Variants in ADAM22 observed in about 807,000 individuals in gnomAD.
The protein encoded by ADAM22 is disintegrin and metalloproteinase domain-containing protein 22.
In ADAM22, 65 loss-of-function variants were observed where a neutral mutation model predicts 144.6. The ratio of observed to expected loss-of-function variants is 0.45; its 90% confidence interval spans 0.37 to 0.55. The LOEUF is 0.55. Among genes scored for constraint, ADAM22 ranks in the 20% least tolerant of loss-of-function variants. The pLI is 0.00. For missense variants in ADAM22, 974 were observed against 1,184.9 expected (o/e 0.82, Z 2.61); for synonymous variants, 391 against 412.6 (o/e 0.95, Z 0.63).
chr7:88,148,765 A>T (rs1837360566), intron 17 of ADAM22, among the ~76,000 whole-genome samples: 1 of 152,222 alleles, frequency 6.6e-6, no homozygotes, highest in South Asian at 2.1e-4. Context: ...CTTATGTGTA[A>T]TGACTATGGA....
chr7:88,131,610 T>A (rs1831795411), intron 11 of ADAM22, 175 bp downstream of exon 11: 3 of 580,446 alleles, frequency 5.2e-6, no homozygotes, highest in Admixed American at 3.1e-5. Context: ...CATGAAAATG[T>A]AAAAGTTTTA....
chr7:87,973,323 A>G (rs1177909347), intron 2 of ADAM22, among the ~76,000 whole-genome samples: 1 of 152,258 alleles, frequency 6.6e-6, no homozygotes. Flanking sequence ...TGCAGCCAAA[A>G]AACACATGGA....
At chr7:88,088,905 G>A (rs1382957293) in intron 4 of ADAM22, among the ~76,000 whole-genome samples, 3 of 151,088 alleles carry the variant, frequency 2.0e-5, no homozygotes, top group Admixed American at 1.3e-4. Context: ...ACAGAGTTCA[G>A]TTTATATACG....
In ADAM22 at chr7:88,108,199, G is replaced by A. The variant is rs1824958280; in HGVS notation, c.414G>A (p.Gln138=). Residue 138 remains glutamine, a synonymous_variant, in exon 5 of 32, where the codon CAG becomes CAA. Coordinates refer to ENST00000413139, the MANE Select transcript of ADAM22 (RefSeq NM_001324418.2). Reference sequence around the variant, plus strand: ...AGGGAGGAGAGCACTGTTACTACCAGGGCCATATCCGAGGAAACCCTGACT... The same window carrying A: ...AGGGAGGAGAGCACTGTTACTACCAAGGCCATATCCGAGGAAACCCTGACT... ...EVKGGEHCYY[Q]GHIRGNPDSF... The A allele has an allele frequency of 6.2e-7, 1 of 1,613,610 alleles. No homozygotes were observed. Among genetic ancestry groups the A allele is most frequent in the African/African-American group, 1.3e-5 (1 of 74,876 alleles).
At chr7:87,961,813 G>A (rs902320838) in intron 2 of ADAM22, among the ~76,000 whole-genome samples, 1 of 152,294 alleles carries the variant, frequency 6.6e-6, no homozygotes, top group African/African-American at 2.4e-5. Context: ...AAAAGGAAAA[G>A]TAAGATGATT....
At chr7:87,961,128 G>A (rs1847917693) in intron 2 of ADAM22, among the ~76,000 whole-genome samples, 1 of 152,018 alleles carries the variant, frequency 6.6e-6, no homozygotes, top group African/African-American at 2.4e-5. Context: ...ATTTCTAGTA[G>A]GGTAGTCCGT....
chr7:87,938,486 T>C (rs532642417), intron 2 of ADAM22, among the ~76,000 whole-genome samples: 4 of 152,122 alleles, frequency 2.6e-5, no homozygotes, highest in African/African-American at 9.6e-5. Context: ...CCCAAAGTGC[T>C]GGGATTACAA....
Position 87,934,364 on chromosome 7 carries a change from G to C in ADAM22, c.-102G>C. The C allele has an allele frequency of 6.9e-6, 8 of 1,157,418 alleles. No individual in the cohort carries two copies. Among genetic ancestry groups the C allele is most frequent in the Non-Finnish European group, 9.7e-6 (8 of 827,820 alleles). 71.7% of individuals were successfully genotyped at this position (1,157,418 alleles called of 1,614,324 possible). ...CAGCACCGGCCGGGGCTGGGTGGAG[G>C]TGGCCGCGGGGACCCCGGGGGCGCG... On this transcript the variant is annotated 5_prime_UTR_variant, in exon 1 of 32. Coordinates refer to ENST00000413139, the MANE Select transcript of ADAM22 (RefSeq NM_001324418.2).
In ADAM22 at chr7:88,153,687, G is replaced by A. The variant is rs117109936; in HGVS notation, c.1787+361G>A. On this transcript the variant is annotated intron_variant, in intron 21 of 31. Transcript: ENST00000413139. ...CCCAAACCACCCCCTTTTTGCCAAA[G>A]GTCTCAATATTTCACTGTCCTTCTG... Among the ~76,000 whole-genome samples, 139 of 152,144 alleles carry A rather than the reference G, an allele frequency of 9.1e-4. No homozygotes were observed. The Middle Eastern group carries it at 0.01, about 11-fold the overall frequency.
chr7:88,151,088 T>C, intron 19 of ADAM22, 57 bp downstream of exon 19: 6 of 1,567,706 alleles, frequency 3.8e-6, no homozygotes, highest in Non-Finnish European at 5.3e-6. Context: ...AAAGGAATAC[T>C]GAAATCTTAT....
chr7:88,030,782 A>G (rs1800055789), intron 3 of ADAM22, among the ~76,000 whole-genome samples: 1 of 152,098 alleles, frequency 6.6e-6, no homozygotes. Flanking sequence ...CCTCCCCCGA[A>G]GCAGAAGCCT....
rs1837715100 is a variant in ADAM22, at chr7:88,149,592, A to G, written c.1566+535A>G. On this transcript the variant is annotated intron_variant, in intron 18 of 31. Coordinates refer to ENST00000413139, the MANE Select transcript of ADAM22 (RefSeq NM_001324418.2). Reference sequence around the variant, plus strand: ...AGATTTCAAAATGGTCACTGTACATACAGACGGTCCTCACTTTGAAGGGTA... The same window carrying G: ...AGATTTCAAAATGGTCACTGTACATGCAGACGGTCCTCACTTTGAAGGGTA... Among the ~76,000 whole-genome samples the G allele has an allele frequency of 2.0e-5, 3 of 152,346 alleles. No homozygotes were observed. In the South Asian group the frequency reaches 6.2e-4, roughly 32 times the overall value.
intron 3 of ADAM22, among the ~76,000 whole-genome samples, chr7:88,058,999 A>C (rs937567679): frequency 2.6e-5 from 4 of 152,108 alleles, no homozygotes; most frequent in Non-Finnish European, 5.9e-5. Flanking sequence ...TAGTCAGCTG[A>C]GGGCAAGTGA....
At chr7:88,195,673 G>A (rs777639952) in intron 31 of ADAM22, among the ~76,000 whole-genome samples, 21 of 151,918 alleles carry the variant, frequency 1.4e-4, no homozygotes, top group Non-Finnish European at 1.8e-4. Flanking sequence ...CCGCCACCAC[G>A]CCCGGCTAAT....
intron 14 of ADAM22, among the ~76,000 whole-genome samples, chr7:88,137,717 A>G (rs1054780545): frequency 4.6e-5 from 7 of 152,214 alleles, no homozygotes; most frequent in Non-Finnish European, 2.9e-5. Context: ...ACTAACACAT[A>G]TTTCAGACCT....
chr7:88,103,811 A>G (rs1823604835), intron 4 of ADAM22, among the ~76,000 whole-genome samples: 1 of 152,164 alleles, frequency 6.6e-6, no homozygotes, highest in Non-Finnish European at 1.5e-5. Context: ...AGACATGGAG[A>G]ACCTTTATAA....
chr7:88,195,644 TA>T (rs1357079973), intron 31 of ADAM22, among the ~76,000 whole-genome samples: 71 of 152,142 alleles, frequency 4.7e-4, no homozygotes, highest in African/African-American at 1.6e-3. Context: ...GCCTCCCGAG[TA>T]GCTGGGACTA....
At chr7:88,195,680 T>C (rs1001254408) in intron 31 of ADAM22, among the ~76,000 whole-genome samples, 3 of 152,040 alleles carry the variant, frequency 2.0e-5, no homozygotes, top group Admixed American at 6.6e-5. Context: ...CACGCCCGGC[T>C]AATTTTTTTT....
intron 3 of ADAM22, among the ~76,000 whole-genome samples, chr7:88,041,359 T>C (rs927916601): frequency 1.1e-4 from 16 of 151,928 alleles, no homozygotes; most frequent in African/African-American, 3.9e-4. Context: ...ATAGTTATAC[T>C]AACATAGATG....
Sources: gnomAD v4.1 joint callset for allele counts (sites outside exome capture counted in the v4.1 genomes callset) on GRCh38, gnomAD v4.1.1 for gene constraint, MANE v1.5 for transcripts, NCBI Gene and HGNC (gene_info 2026-07-23, HGNC 2026-07-21) for gene names.